Variants in METTL25 observed in about 807,000 individuals in gnomAD.
METTL25 encodes methyltransferase like 25.
In METTL25, 64 loss-of-function variants were observed where a neutral mutation model predicts 71.6. The ratio of observed to expected loss-of-function variants is 0.89; its 90% CI spans 0.73 to 1.10. The LOEUF is 1.10. METTL25 is among the 50% of genes least tolerant of loss of function. The probability of loss-of-function intolerance (pLI) is 0.00; values close to 1 mark genes in which losing one functional copy is unlikely to be tolerated. For synonymous variants in METTL25, 287 were observed against 250.3 expected (o/e 1.15, Z -1.38); for missense variants, 807 against 707.0 (o/e 1.14, Z -1.60).
At chr12:82,384,688 C>T (rs1884791739) in intron 1 of METTL25, among the ~76,000 whole-genome samples, 1 of 151,626 alleles carries the variant, frequency 6.6e-6, no homozygotes, top group African/African-American at 2.4e-5. Flanking sequence ...GAGACCTGTA[C>T]TTAAAGGAAA....
At position 82,389,296 on chromosome 12, in the gene METTL25, A is replaced by G. The variant is rs142384007; in HGVS notation, c.425-520A>G. Among the ~76,000 whole-genome samples, 85 of 152,232 alleles carry G rather than the reference A, an allele frequency of 5.6e-4. 1 individual carries two copies. In the East Asian group the frequency reaches 0.014, roughly 25 times the overall value. ...GTGGAGCATAGAATGTTAATTTTCA[A>G]TTATATTTGATTTTAGTGTAAATTG... On this transcript the variant is annotated intron_variant, in intron 2 of 11. Coordinates refer to ENST00000248306, the MANE Select transcript of METTL25 (RefSeq NM_032230.3).
chr12:82,459,756 TGAAAAC>T (rs1410575020), intron 9 of METTL25: 1 of 152,152 alleles, frequency 6.6e-6, no homozygotes. Flanking sequence ...ATAGAAAACT[TGAAAAC>T]TAAAAAGCAA....
At chr12:82,408,597 CGTGTGT>C (rs56872887) in intron 5 of METTL25, among the ~76,000 whole-genome samples, 16 of 147,738 alleles carry the variant, frequency 1.1e-4, no homozygotes, top group Middle Eastern at 3.5e-3. Flanking sequence ...GATGTGACTC[CGTGTGT>C]GTGTGTGTGT....
chr12:82,399,979 G>C (rs1041251681), intron 4 of METTL25, among the ~76,000 whole-genome samples: 4 of 149,186 alleles, frequency 2.7e-5, no homozygotes, highest in Admixed American at 6.7e-5. Context: ...TTTTGGAGTT[G>C]TATTACCCTT....
At chr12:82,416,337 ATAT>A (rs1282423210) in intron 5 of METTL25, among the ~76,000 whole-genome samples, 1 of 151,758 alleles carries the variant, frequency 6.6e-6, no homozygotes. Context: ...ATTGCCTTCT[ATAT>A]TATTATTCTT....
Position 82,386,976 on chromosome 12 carries a change from AT to A in METTL25, c.424+12del. 1.9e-6 allele frequency: 3 copies of A among 1,609,644 alleles called. No homozygotes were observed. Among genetic ancestry groups the A allele is most frequent in the Non-Finnish European group, 2.5e-6 (3 of 1,177,260 alleles). On this transcript the variant is annotated intron_variant, in intron 2 of 11. Transcript: ENST00000248306. The stretch of plus-strand genomic sequence containing the variant: ...TCAAAACCAGAGAATTGGTATGTCT[AT>A]TTATGTGTGTGTATGTGTGCTTTTT...
chr12:82,424,519 A>G (rs1284759306), intron 5 of METTL25, among the ~76,000 whole-genome samples: 1 of 141,002 alleles, frequency 7.1e-6, no homozygotes, highest in Non-Finnish European at 1.5e-5. Context: ...CATGTACCTT[A>G]GAGCTTAAAG....
intron 1 of METTL25, among the ~76,000 whole-genome samples, chr12:82,369,882 A>T (rs373959316): frequency 6.6e-6 from 1 of 152,126 alleles, no homozygotes; most frequent in South Asian, 2.1e-4. Context: ...CTTTAGCTAG[A>T]TACAGAGTGC....
intron 9 of METTL25, among the ~76,000 whole-genome samples, chr12:82,464,279 A>T (rs1363769263): frequency 1.3e-5 from 2 of 151,776 alleles, no homozygotes; most frequent in Non-Finnish European, 2.9e-5. Context: ...TTTTGAGTTG[A>T]TTTTTGTATA....
chr12:82,387,753 A>G (rs546013310), intron 2 of METTL25, among the ~76,000 whole-genome samples: 12 of 151,876 alleles, frequency 7.9e-5, no homozygotes, highest in African/African-American at 2.7e-4. Flanking sequence ...AATCTTTTGA[A>G]CATAAGTTAT....
intron 8 of METTL25, among the ~76,000 whole-genome samples, chr12:82,446,619 T>C (rs1890761213): frequency 6.6e-6 from 1 of 150,916 alleles, no homozygotes; most frequent in Non-Finnish European, 1.5e-5. Flanking sequence ...TTCTTTTTTT[T>C]TTTTTTTTTG....
rs141372580 is a variant in METTL25, at chr12:82,436,168, G to A, written c.1404+1444G>A. Among the ~76,000 whole-genome samples, 621 of 151,342 alleles carry A rather than the reference G, an allele frequency of 4.1e-3. 3 individuals are homozygous for A. The highest frequency in any genetic ancestry group is 0.014 in the African/African-American group (596 of 41,392). On this transcript the variant is annotated intron_variant, in intron 7 of 11. Coordinates refer to ENST00000248306, the MANE Select transcript of METTL25 (RefSeq NM_032230.3). ...ATACTTACACTCAATCTTATTAGTTGGGTATTATCCTAAACCTGCATGAGA... is the reference window on the plus strand; with the variant it reads ...ATACTTACACTCAATCTTATTAGTTAGGTATTATCCTAAACCTGCATGAGA...
In METTL25 at chr12:82,399,075, A is replaced by G. The variant is rs1392217101; in HGVS notation, c.812A>G (p.Lys271Arg). 3.1e-6 allele frequency: 5 copies of G among 1,613,172 alleles called. No individual in the cohort carries two copies. The highest frequency in any genetic ancestry group is 4.2e-6 in the Non-Finnish European group (5 of 1,179,502). Residue 271 changes from lysine to arginine, a missense_variant, in exon 4 of 12, where the codon AAG becomes AGG. Physicochemically the swap from Lys to Arg is conservative, Grantham distance 26. Coordinates refer to ENST00000248306, the MANE Select transcript of METTL25 (RefSeq NM_032230.3). ...VFNNSPTNQE[K>R]MPTSAILPDF... is the part of the protein sequence containing the mutation. ...AACAACAGTCCTACAAATCAAGAAA[A>G]GATGCCTACCTCAGCTATTTTGCCT...
chr12:82,366,102 T>TA (rs912945812), intron 1 of METTL25, among the ~76,000 whole-genome samples: 2 of 151,834 alleles, frequency 1.3e-5, no homozygotes, highest in Non-Finnish European at 2.9e-5. Flanking sequence ...AAAAAAATTT[T>TA]AAAAAAAAGA....
intron 9 of METTL25, among the ~76,000 whole-genome samples, chr12:82,461,264 A>G (rs1244315194): frequency 6.6e-6 from 1 of 152,198 alleles, no homozygotes; most frequent in East Asian, 1.9e-4. Flanking sequence ...TTATATATTT[A>G]TTTTTTAGAA....
chr12:82,358,871 T>A, intron 1 of METTL25, 47 bp downstream of exon 1: 1 of 1,552,698 alleles, frequency 6.4e-7, no homozygotes, highest in Admixed American at 1.9e-5. Flanking sequence ...GAGGAGAAGG[T>A]CCCGGCAGAC....
In METTL25 at chr12:82,438,719, T is replaced by C; in HGVS notation, c.1406T>C (p.Leu469Pro). 6.8e-7 allele frequency: 1 copy of C among 1,472,154 alleles called. No individual in the cohort carries two copies. Among genetic ancestry groups the C allele is most frequent in the Non-Finnish European group, 9.0e-7 (1 of 1,105,418 alleles). The allele number at this position is 1,472,154 out of a possible 1,614,324, so 91.2% of individuals were successfully genotyped here. A position where few individuals can be genotyped will look rare whatever the true frequency, so the allele number is the denominator to read the frequency against. Residue 469 changes from leucine (L) to proline (P), a missense_variant and splice_region_variant, in exon 8 of 12, where the codon CTG becomes CCG. Transcript: ENST00000248306. ...TATATATGTCTACATTTTTTTCAGC[T>C]GCCTACTGAATCACTCTTCTATCGT... ...ALERVAAGQG[L>P]PTESLFYRAV...
At chr12:82,443,496 G>A (rs183214009) in intron 8 of METTL25, among the ~76,000 whole-genome samples, 4 of 150,224 alleles carry the variant, frequency 2.7e-5, no homozygotes, top group East Asian at 2.0e-4. Context: ...AAAGAATGCA[G>A]TATGCCTAAA....
chr12:82,399,102 A>G lies in METTL25; in HGVS notation c.839A>G (p.Asp280Gly). The G allele has an allele frequency of 6.2e-7, 1 of 1,613,764 alleles. No homozygotes were observed. The highest frequency in any genetic ancestry group is 8.5e-7 in the Non-Finnish European group (1 of 1,179,842). Residue 280 changes from aspartate to glycine, a missense_variant, in exon 4 of 12, where the codon GAT (aspartate) becomes GGT (glycine). Coordinates refer to ENST00000248306, the MANE Select transcript of METTL25 (RefSeq NM_032230.3). ...ATGCCTACCTCAGCTATTTTGCCTG[A>G]TTTTTCTGGCTCTGTAATTTCTAAT... ...EKMPTSAILP[D>G]FSGSVISNIR...
Sources: gnomAD v4.1 joint callset for allele counts (sites outside exome capture counted in the v4.1 genomes callset) on GRCh38, gnomAD v4.1.1 for gene constraint, MANE v1.5 for transcripts, NCBI Gene and HGNC (gene_info 2026-07-23, HGNC 2026-07-21) for gene names.